The following CDH8 variants were observed in gnomAD, a reference collection of about 807,000 sequenced individuals.
The protein encoded by CDH8 is cadherin 8.
Under a neutral mutation model 68.1 loss-of-function variants are expected in CDH8, and 17 were observed. That is an observed-to-expected ratio of 0.25 (90% CI 0.17 to 0.37). The LOEUF (loss-of-function observed/expected upper bound fraction) is 0.37. CDH8 is among the 10% of genes least tolerant of loss of function. The pLI, the probability that CDH8 is intolerant of heterozygous loss-of-function variation, is 1.00. For synonymous variants in CDH8, 372 were observed against 365.1 expected, an observed-to-expected ratio of 1.02 and a Z score of -0.21; for missense variants, 763 against 999.3, an observed-to-expected ratio of 0.76 and a Z score of 3.19.
chr16:61,836,002 C>G (rs1458698613), intron 4 of CDH8, among the ~76,000 whole-genome samples: 1 of 151,730 alleles, frequency 6.6e-6, no homozygotes, highest in South Asian at 2.1e-4. Context: ...ATAGAAATAC[C>G]CACCTGAGAC....
intron 1 of CDH8, among the ~76,000 whole-genome samples, 188 bp from the exon 2 acceptor site, chr16:62,021,790 AT>A (rs1446821426): frequency 6.6e-6 from 1 of 152,134 alleles, no homozygotes; most frequent in Non-Finnish European, 1.5e-5. Flanking sequence ...CTTTATTTAG[AT>A]TTTAGCTTTC....
At chr16:61,955,178 C>T (rs1234396438) in intron 2 of CDH8, among the ~76,000 whole-genome samples, 3 of 152,154 alleles carry the variant, frequency 2.0e-5, no homozygotes, top group African/African-American at 7.2e-5. Context: ...GTCCTAGTAC[C>T]TCTGTTAAAT....
intron 8 of CDH8, among the ~76,000 whole-genome samples, chr16:61,774,312 A>G (rs1960852625): frequency 6.6e-6 from 1 of 151,968 alleles, no homozygotes; most frequent in Non-Finnish European, 1.5e-5. Context: ...CCTCTCTGCC[A>G]GCACCTTTCT....
chr16:61,757,608 C>T (rs2142961033), intron 8 of CDH8, among the ~76,000 whole-genome samples: 1 of 152,188 alleles, frequency 6.6e-6, no homozygotes, highest in African/African-American at 2.4e-5. Context: ...TGGCACTGTG[C>T]TAATTTCTAA....
At chr16:61,870,825 T>C (rs762406297) in intron 3 of CDH8, among the ~76,000 whole-genome samples, 5 of 152,094 alleles carry the variant, frequency 3.3e-5, no homozygotes, top group Non-Finnish European at 7.4e-5. Context: ...CCATTGTCAA[T>C]TGCCTGTTTT....
rs754730226 is a variant in CDH8 at position 61,653,819 on chromosome 16, T to C, written c.2189A>G (p.His730Arg). Residue 730 changes from histidine (H) to arginine (R), a missense_variant, in exon 12 of 12, where the codon CAT (histidine) becomes CGT (arginine). His to Arg is a conservative substitution (Grantham distance 29). This residue lies in a region of CDH8 where 397 missense variants were observed against 436.2 expected (regional missense o/e 0.91). Transcript: ENST00000577390. ...GGCCGTGGGATCATTATCTGCCTCA[T>C]GCAGCCTTACATTTATAAATTCATC... ...DVDEFINVRLHEADNDPTAPP... is the reference protein window; with the variant it reads ...DVDEFINVRLREADNDPTAPP... 10 of 1,614,242 alleles carry C rather than the reference T, an allele frequency of 6.2e-6. No individual in the cohort carries two copies. Among genetic ancestry groups the C allele is most frequent in the South Asian group, 1.1e-5 (1 of 91,092 alleles).
chr16:61,794,276 T>C (rs190028048), intron 7 of CDH8, among the ~76,000 whole-genome samples: 4 of 152,002 alleles, frequency 2.6e-5, no homozygotes, highest in African/African-American at 7.2e-5. Flanking sequence ...CATATACCCA[T>C]AATCTCCTCA....
chr16:61,755,219 C>A (rs1226692903), intron 8 of CDH8, among the ~76,000 whole-genome samples: 2 of 152,136 alleles, frequency 1.3e-5, no homozygotes, highest in African/African-American at 4.8e-5. Context: ...TGAAAGCCAA[C>A]TATTTGTCAG....
chr16:61,838,656 T>G (rs1962617955), intron 4 of CDH8, among the ~76,000 whole-genome samples: 1 of 152,140 alleles, frequency 6.6e-6, no homozygotes, highest in South Asian at 2.1e-4. Flanking sequence ...CAGCCATTAC[T>G]AGCATGTGAC....
intron 8 of CDH8, among the ~76,000 whole-genome samples, chr16:61,767,048 G>A (rs1960614164): frequency 6.6e-6 from 1 of 151,926 alleles, no homozygotes; most frequent in South Asian, 2.1e-4. Flanking sequence ...CTCTCTTGAA[G>A]AGTATGGAAA....
chr16:61,776,857 C>A (rs1041637191), intron 8 of CDH8, among the ~76,000 whole-genome samples: 3 of 152,012 alleles, frequency 2.0e-5, no homozygotes, highest in Admixed American at 6.6e-5. Context: ...TTGTACTAGG[C>A]TTAATACTTC....
intron 2 of CDH8, among the ~76,000 whole-genome samples, chr16:61,975,446 T>C (rs1008307915): frequency 1.3e-5 from 2 of 152,146 alleles, no homozygotes; most frequent in African/African-American, 4.8e-5. Context: ...ATGGCAAAGA[T>C]TATTTCATTT....
rs1206979541 is a variant in CDH8 at position 61,924,435 on chromosome 16, C to T, written c.253-22962G>A. Among the ~76,000 whole-genome samples the T allele has an allele frequency of 2.6e-5, 4 of 152,188 alleles. No individual in the cohort carries two copies. In the South Asian group the frequency reaches 6.2e-4, roughly 24 times the overall value. ...TCTTCTTACAGAGTTAAATATCAGG[C>T]CAAAGTTACCTGCTCACCCAGATAC... On this transcript the variant is annotated intron_variant, in intron 2 of 11. Coordinates refer to ENST00000577390, the MANE Select transcript of CDH8 (RefSeq NM_001796.5).
intron 10 of CDH8, among the ~76,000 whole-genome samples, chr16:61,690,956 C>A (rs185588462): frequency 3.3e-5 from 5 of 152,044 alleles, no homozygotes; most frequent in African/African-American, 1.2e-4. Context: ...TTCTCTCCAG[C>A]CTCACTTTTA....
intron 8 of CDH8, among the ~76,000 whole-genome samples, chr16:61,781,673 T>C (rs1319781559): frequency 2.0e-5 from 3 of 152,188 alleles, no homozygotes; most frequent in Non-Finnish European, 2.9e-5. Context: ...AATTATTGAC[T>C]ATCCACATTA....
intron 3 of CDH8, among the ~76,000 whole-genome samples, chr16:61,867,055 T>C (rs868820308): frequency 9.2e-5 from 14 of 152,210 alleles, no homozygotes; most frequent in African/African-American, 3.4e-4. Context: ...CAAAATCCTA[T>C]CAAATTTCAA....
intron 10 of CDH8, chr16:61,693,778 T>C (rs1964277528): frequency 1.3e-5 from 2 of 152,066 alleles, no homozygotes; most frequent in Admixed American, 1.3e-4. Context: ...TTTATAAATG[T>C]TTCTAGGAGT....
intron 10 of CDH8, among the ~76,000 whole-genome samples, chr16:61,699,980 G>A (rs2142846592): frequency 6.6e-6 from 1 of 152,184 alleles, no homozygotes; most frequent in Admixed American, 6.5e-5. Flanking sequence ...TTGACTCTAA[G>A]ATATATATAT....
At chr16:61,748,238 T>C (rs1229378514) in intron 8 of CDH8, among the ~76,000 whole-genome samples, 1 of 151,746 alleles carries the variant, frequency 6.6e-6, no homozygotes, top group Non-Finnish European at 1.5e-5. Flanking sequence ...ATCATCATCA[T>C]CACTTTTTAA....
Sources: allele counts gnomAD v4.1 joint callset (sites outside exome capture counted in the v4.1 genomes callset), GRCh38; gene constraint gnomAD v4.1.1; regional missense constraint gnomAD v4.1.1; transcripts MANE v1.5; gene names NCBI Gene and HGNC (gene_info 2026-07-23, HGNC 2026-07-21).